The following LMO7 variants were observed in gnomAD, a reference collection of about 807,000 sequenced individuals.
LMO7 encodes LIM domain 7, also known as LIM domain only protein 7.
LMO7 carries 120 observed loss-of-function variants against 206.5 expected under a neutral mutation model. That is an observed-to-expected ratio of 0.58 (90% confidence interval 0.50 to 0.68). The LOEUF is 0.68. Among genes scored for constraint, LMO7 ranks in the 30% least tolerant of loss-of-function variants. The pLI is 0.00. For missense variants in LMO7, 1,959 were observed against 1,957.9 expected (o/e 1.00, Z -0.01); for synonymous variants, 706 against 681.5 (o/e 1.04, Z -0.56).
At chr13:75,644,339 G>A (rs2036828661) in intron 1 of LMO7, among the ~76,000 whole-genome samples, 1 of 152,202 alleles carries the variant, frequency 6.6e-6, no homozygotes, top group Non-Finnish European at 1.5e-5. Context: ...ACTAGAAGTA[G>A]TAAATGCTGG....
At chr13:75,699,416 T>C (rs1451530456) in intron 1 of LMO7, among the ~76,000 whole-genome samples, 1 of 150,854 alleles carries the variant, frequency 6.6e-6, no homozygotes, top group African/African-American at 2.5e-5. Context: ...TTTTTTTTTT[T>C]TTTTTTACTG....
At chr13:75,623,209 T>G in intron 1 of LMO7, 1 of 806,782 alleles carries the variant, frequency 1.2e-6, no homozygotes, top group Non-Finnish European at 2.1e-6. Flanking sequence ...TATTTGTTGA[T>G]TACTTTTCAT....
rs1174948944 is a variant in LMO7, at chr13:75,823,582, G to A, written c.2658G>A (p.Lys886=). 3.1e-6 allele frequency: 5 copies of A among 1,611,662 alleles called. No homozygotes were observed. The highest frequency in any genetic ancestry group is 4.2e-6 in the Non-Finnish European group (5 of 1,177,932). Residue 886 remains lysine (K), a synonymous_variant, in exon 15 of 31, where the codon AAG becomes AAA. Transcript: ENST00000377534. The stretch of plus-strand genomic sequence containing the variant: ...TTATTTAGATGGATGATGCTTGGAA[G>A]TATAATGGAGATGTTGAAGACATTA... ...PRSYTMDDAW[K]YNGDVEDIKR...
rs1272848425 is a variant in LMO7, at chr13:75,776,149, TGTATATATATCGG to T, written c.317+15112_317+15124del. Among the ~76,000 whole-genome samples, 5 of 88,292 alleles carry T rather than the reference TGTATATATATCGG, an allele frequency of 5.7e-5. No individual in the cohort carries two copies. In the East Asian group the frequency reaches 1.5e-3, roughly 27 times the overall value. The allele number at this position is 88,292 out of a possible 152,430, so 57.9% of individuals were successfully genotyped here. A position where few individuals can be genotyped will look rare whatever the true frequency, so the allele number is the denominator to read the frequency against. ...TACATATATATATATATATATGCCA[TGTATATATATCGG>T]ATATATATATATATATATATATATA... On this transcript the variant is annotated intron_variant, in intron 4 of 30. Transcript: ENST00000377534.
In LMO7 at chr13:75,841,673, G is replaced by A. The variant is rs1252789182; in HGVS notation, c.3721G>A (p.Glu1241Lys). 1.2e-6 allele frequency: 2 copies of A among 1,613,948 alleles called. No homozygotes were observed. The highest frequency in any genetic ancestry group is 1.7e-6 in the Non-Finnish European group (2 of 1,179,998). The change falls in exon 24 of 31, where the codon GAG (glutamate) becomes AAG (lysine). Residue 1241 changes from glutamate (E) to lysine (K), a missense_variant. Physicochemically the swap from Glu to Lys is moderately conservative, Grantham distance 56. Transcript: ENST00000377534. ...SSNSMSLTTR[E>K]PSLATWEATW... The stretch of plus-strand genomic sequence containing the variant: ...AAACAGCATGTCTCTGACCACACGG[G>A]AGCCCTCTCTTGCCACCTGGGAAGC...
At position 75,800,866 on chromosome 13, in the gene LMO7, G is replaced by A; in HGVS notation, c.645G>A (p.Leu215=). ...CAAGCTGCTCCTCTGATATCACGTT[G>A]AGAGGGGGGCGTGAAGGTGTGTTGT... The part of the protein sequence containing the change: ...SLTSCSSDIT[L]RGGREGFESD... Residue 215 remains leucine (L), a synonymous_variant, in exon 7 of 31, where the codon TTG becomes TTA. Coordinates refer to ENST00000377534, the MANE Select transcript of LMO7 (RefSeq NM_001306080.2). 1.9e-6 allele frequency: 3 copies of A among 1,613,860 alleles called. No individual in the cohort carries two copies. Among genetic ancestry groups the A allele is most frequent in the Non-Finnish European group, 2.5e-6 (3 of 1,179,796 alleles).
intron 1 of LMO7, 37 bp from the exon 2 acceptor site, chr13:75,713,145 G>C (rs745706027): frequency 5.9e-6 from 9 of 1,520,188 alleles, no homozygotes; most frequent in African/African-American, 1.4e-5. Context: ...TGCTATCCCT[G>C]CTTAAGAGAA....
chr13:75,776,915 T>C (rs901575625), intron 4 of LMO7, among the ~76,000 whole-genome samples: 5 of 152,218 alleles, frequency 3.3e-5, no homozygotes, highest in Admixed American at 1.3e-4. Context: ...AATGTTCCTT[T>C]GTTAAGAGGT....
At chr13:75,767,530 C>T (rs2049056769) in intron 4 of LMO7, among the ~76,000 whole-genome samples, 1 of 152,022 alleles carries the variant, frequency 6.6e-6, no homozygotes, top group African/African-American at 2.4e-5. Context: ...CCTTAGTACA[C>T]TTTTTACCTT....
intron 3 of LMO7, among the ~76,000 whole-genome samples, chr13:75,756,665 T>G (rs1308827216): frequency 6.6e-6 from 1 of 152,220 alleles, no homozygotes; most frequent in Non-Finnish European, 1.5e-5. Flanking sequence ...AGTGATTATC[T>G]TAACACCTGT....
chr13:75,838,772 A>C (rs921891557), intron 20 of LMO7, among the ~76,000 whole-genome samples: 1 of 152,080 alleles, frequency 6.6e-6, no homozygotes, highest in Non-Finnish European at 1.5e-5. Context: ...GCGTTTTGAG[A>C]TTCTCCGTGT....
At chr13:75,686,581 C>G (rs1015513809) in intron 1 of LMO7, among the ~76,000 whole-genome samples, 1 of 136,618 alleles carries the variant, frequency 7.3e-6, no homozygotes, top group Admixed American at 7.7e-5. Context: ...TTGGAGTTGG[C>G]TTTATGGGAG....
intron 15 of LMO7, 28 bp from the exon 16 acceptor site, chr13:75,833,023 A>T (rs981941457): frequency 1.5e-6 from 2 of 1,304,964 alleles, no homozygotes; most frequent in Non-Finnish European, 2.2e-6. Context: ...GGGACACCGG[A>T]TACCAGCGTT....
At chr13:75,732,435 C>T (rs1351624454) in intron 3 of LMO7, among the ~76,000 whole-genome samples, 11 of 152,232 alleles carry the variant, frequency 7.2e-5, no homozygotes, top group Middle Eastern at 3.2e-3. Context: ...GAGGCTTCTG[C>T]GTTCGTCACG....
chr13:75,621,925 G>A (rs1857135026), intron 1 of LMO7: 1 of 1,314,744 alleles, frequency 7.6e-7, no homozygotes, highest in Non-Finnish European at 1.0e-6. Flanking sequence ...CTAAGGCAGA[G>A]CATCTCCATT....
At chr13:75,692,573 G>A (rs946413466) in intron 1 of LMO7, among the ~76,000 whole-genome samples, 2 of 151,810 alleles carry the variant, frequency 1.3e-5, no homozygotes, top group Non-Finnish European at 2.9e-5. Context: ...TTTTTTGTAC[G>A]TAGGGTCTTT....
intron 2 of LMO7, chr13:75,628,653 T>A (rs574474959): frequency 1.3e-5 from 2 of 152,360 alleles, no homozygotes; most frequent in South Asian, 4.1e-4. Flanking sequence ...TCTGAACTTA[T>A]AAGGGCAGAC....
intron 4 of LMO7, among the ~76,000 whole-genome samples, chr13:75,793,298 G>A (rs2053551219): frequency 1.3e-5 from 2 of 152,032 alleles, no homozygotes; most frequent in African/African-American, 2.4e-5. Flanking sequence ...TTTTTGAGAC[G>A]GAGTCTTGCT....
At chr13:75,671,085 G>T (rs1043884232) in intron 1 of LMO7, among the ~76,000 whole-genome samples, 3 of 149,444 alleles carry the variant, frequency 2.0e-5, no homozygotes, top group African/African-American at 7.4e-5. Flanking sequence ...CTACCTCCAC[G>T]TCTTGTCCCA....
Sources: allele counts gnomAD v4.1 joint callset (sites outside exome capture counted in the v4.1 genomes callset), GRCh38; gene constraint gnomAD v4.1.1; transcripts MANE v1.5; gene names NCBI Gene and HGNC (gene_info 2026-07-23, HGNC 2026-07-21).